TENM2: variants seen among roughly 807,000 people sequenced by gnomAD.
TENM2 encodes the protein teneurin-2.
TENM2 carries 52 observed loss-of-function variants against 245.2 expected under a neutral mutation model. That is an observed-to-expected ratio of 0.21 (90% CI 0.17 to 0.27). The LOEUF is 0.27. Ranked by LOEUF, TENM2 falls within the 10% of genes least tolerant of loss-of-function variation. The probability of loss-of-function intolerance (pLI) is 1.00; values close to 1 mark genes in which losing one functional copy is unlikely to be tolerated. For missense variants in TENM2, 3,046 were observed against 3,666.8 expected, an observed-to-expected ratio of 0.83 and a Z score of 4.37; for synonymous variants, 1,363 against 1,438.9, an observed-to-expected ratio of 0.95 and a Z score of 1.19.
chr5:167,109,801 A>G, the TENM2 span, among the ~76,000 whole-genome samples: 2 of 152,278 alleles, frequency 1.3e-5, no homozygotes, highest in East Asian at 3.9e-4. Flanking sequence ...CAATTTTGGC[A>G]TAGGATGCTA....
In TENM2 at chr5:167,769,205, G is replaced by A. The variant is rs142021934; in HGVS notation, c.503-106781G>A. ...ATGATAGTGATGACTATGGTGCTTT[G>A]CACACAGATTGTCAATAACAATCTG... On this transcript the variant is annotated intron_variant, in intron 2 of 28. Coordinates refer to ENST00000518659, the Ensembl canonical transcript of TENM2. 1.8e-3 allele frequency among the ~76,000 whole-genome samples: 275 copies of A among 152,302 alleles called. 2 individuals are homozygous for A. Among genetic ancestry groups the A allele is most frequent in the African/African-American group, 6.3e-3 (261 of 41,562 alleles).
chr5:168,070,171 G>A (rs1041414615), intron 7 of TENM2, among the ~76,000 whole-genome samples: 4 of 152,136 alleles, frequency 2.6e-5, no homozygotes, highest in South Asian at 2.1e-4. Context: ...TTTTGCTATC[G>A]ATGAAGCTGA....
intron 25 of TENM2, among the ~76,000 whole-genome samples, chr5:168,235,543 C>T (rs1203069476): frequency 6.6e-6 from 1 of 152,134 alleles, no homozygotes; most frequent in African/African-American, 2.4e-5. Flanking sequence ...GGGCTGGGCA[C>T]AGCCTGTAAT....
At chr5:167,857,020 A>G (rs1359445005) in intron 2 of TENM2, among the ~76,000 whole-genome samples, 1 of 152,196 alleles carries the variant, frequency 6.6e-6, no homozygotes, top group Middle Eastern at 3.2e-3. Context: ...AAAACAGTGC[A>G]GATTCCGCAA....
intron 2 of TENM2, among the ~76,000 whole-genome samples, chr5:167,826,752 G>A (rs771310437): frequency 6.6e-6 from 1 of 152,160 alleles, no homozygotes; most frequent in African/African-American, 2.4e-5. Flanking sequence ...AGTTACTTAA[G>A]TTCTCTGAGC....
At chr5:167,877,949 G>A (rs1296512327) in intron 3 of TENM2, among the ~76,000 whole-genome samples, 1 of 152,100 alleles carries the variant, frequency 6.6e-6, no homozygotes. Context: ...AGGACAAGAG[G>A]CTTTTGAAAT....
chr5:167,926,393 G>C (rs201414062), intron 3 of TENM2, among the ~76,000 whole-genome samples: 1 of 152,102 alleles, frequency 6.6e-6, no homozygotes, highest in East Asian at 1.9e-4. Flanking sequence ...CAGAGTGGGA[G>C]AGAAATGGGC....
the TENM2 span, among the ~76,000 whole-genome samples, chr5:166,987,789 A>C: frequency 6.6e-6 from 1 of 152,150 alleles, no homozygotes; most frequent in Non-Finnish European, 1.5e-5. Flanking sequence ...CAATGAATCA[A>C]TTTATGATTT....
At chr5:168,203,152 G>A (rs1762069482) in intron 17 of TENM2, among the ~76,000 whole-genome samples, 1 of 152,200 alleles carries the variant, frequency 6.6e-6, no homozygotes, top group Non-Finnish European at 1.5e-5. Flanking sequence ...GCTGGTGCCT[G>A]CCTCTCCTGG....
chr5:167,707,263 T>A (rs552186929), intron 2 of TENM2, among the ~76,000 whole-genome samples: 2 of 152,132 alleles, frequency 1.3e-5, no homozygotes, highest in Non-Finnish European at 2.9e-5. Flanking sequence ...CAGGTTGTTA[T>A]GGTTTTTGCT....
intron 10 of TENM2, among the ~76,000 whole-genome samples, chr5:168,123,290 C>T (rs1795605696): frequency 1.3e-5 from 2 of 152,070 alleles, no homozygotes; most frequent in African/African-American, 4.8e-5. Context: ...CAGAGCAAGA[C>T]CCTGTCTCAG....
At chr5:167,967,914 A>G (rs1305160105) in intron 4 of TENM2, among the ~76,000 whole-genome samples, 1 of 152,212 alleles carries the variant, frequency 6.6e-6, no homozygotes, top group African/African-American at 2.4e-5. Flanking sequence ...AACTTGATGA[A>G]GCGCAAGTCC....
chr5:167,395,912 C>G (rs1199755551), intron 2 of TENM2, among the ~76,000 whole-genome samples: 1 of 152,100 alleles, frequency 6.6e-6, no homozygotes, highest in Non-Finnish European at 1.5e-5. Context: ...GAGATACCAT[C>G]TCATACCCCT....
At chr5:168,213,945 A>T (rs1762983066) in intron 20 of TENM2, among the ~76,000 whole-genome samples, 1 of 152,230 alleles carries the variant, frequency 6.6e-6, no homozygotes, top group African/African-American at 2.4e-5. Flanking sequence ...GATTGTAATA[A>T]CCAGTATAGG....
intron 2 of TENM2, 54 bp downstream of exon 4, chr5:167,375,527 G>A (rs1208671270): frequency 2.0e-6 from 3 of 1,494,648 alleles, no homozygotes; most frequent in Admixed American, 4.9e-5. Flanking sequence ...ACCACGTGGG[G>A]CTTTGAATGT....
intron 2 of TENM2, among the ~76,000 whole-genome samples, chr5:167,601,791 G>C (rs1776652590): frequency 6.6e-6 from 1 of 152,086 alleles, no homozygotes; most frequent in Admixed American, 6.6e-5. Context: ...TTCCCCTTTT[G>C]CTTATGCTAG....
the TENM2 span, among the ~76,000 whole-genome samples, chr5:167,050,106 G>C: frequency 2.6e-5 from 4 of 152,148 alleles, no homozygotes; most frequent in Admixed American, 6.5e-5. Context: ...CTTAGAGTTT[G>C]AGCTTGTAGA....
At chr5:167,803,267 G>A (rs1160440793) in intron 2 of TENM2, among the ~76,000 whole-genome samples, 1 of 152,084 alleles carries the variant, frequency 6.6e-6, no homozygotes, top group Non-Finnish European at 1.5e-5. Context: ...CACCAGTCAA[G>A]GTTTCTCCAA....
At chr5:167,171,444 A>T in the TENM2 span, among the ~76,000 whole-genome samples, 1 of 152,200 alleles carries the variant, frequency 6.6e-6, no homozygotes, top group Non-Finnish European at 1.5e-5. Flanking sequence ...CAGAGGGCAC[A>T]TTGTAAAGTG....
Sources: allele counts gnomAD v4.1 joint callset (sites outside exome capture counted in the v4.1 genomes callset), GRCh38; gene constraint gnomAD v4.1.1; transcripts MANE v1.5; gene names NCBI Gene and HGNC (gene_info 2026-07-23, HGNC 2026-07-21).